The following CCDC171 variants were observed in gnomAD, a reference collection of about 807,000 sequenced individuals.
The protein encoded by CCDC171 is coiled-coil domain-containing protein 171.
In CCDC171, 177 loss-of-function variants were observed where a neutral mutation model predicts 168.2. That is an observed-to-expected ratio of 1.05 (90% CI 0.93 to 1.19). CCDC171 has a LOEUF of 1.19. Ranked by LOEUF, CCDC171 falls within the 50% of genes most tolerant of loss-of-function variation. CCDC171 has a pLI of 0.00. For synonymous variants in CCDC171, 687 were observed against 540.8 expected, an observed-to-expected ratio of 1.27 and a Z score of -3.75; for missense variants, 1,991 against 1,539.0, an observed-to-expected ratio of 1.29 and a Z score of -4.91.
intron 21 of CCDC171, among the ~76,000 whole-genome samples, chr9:15,791,526 T>A (rs184551549): frequency 3.9e-5 from 6 of 152,336 alleles, no homozygotes; most frequent in Non-Finnish European, 8.8e-5. Flanking sequence ...AGATATACAA[T>A]CATGTCATCT....
intron 18 of CCDC171, among the ~76,000 whole-genome samples, chr9:15,773,657 T>C (rs1359079130): frequency 6.6e-6 from 1 of 152,150 alleles, no homozygotes; most frequent in Non-Finnish European, 1.5e-5. Context: ...TTTCCTCTTA[T>C]TTCTGTATTA....
chr9:15,775,854 A>G (rs533078864), intron 18 of CCDC171, among the ~76,000 whole-genome samples: 247 of 152,324 alleles, frequency 1.6e-3, no homozygotes, highest in Non-Finnish European at 2.9e-4. Flanking sequence ...ACATGTAAAA[A>G]ATACCCATGT....
At chr9:15,946,757 C>G (rs998919981) in intron 25 of CCDC171, among the ~76,000 whole-genome samples, 2 of 152,016 alleles carry the variant, frequency 1.3e-5, no homozygotes, top group Non-Finnish European at 2.9e-5. Context: ...ATCACACTAC[C>G]TGACTTCAAA....
intron 24 of CCDC171, chr9:15,885,987 A>G (rs968392190): frequency 6.6e-6 from 1 of 152,200 alleles, no homozygotes; most frequent in African/African-American, 2.4e-5. Flanking sequence ...AGTTATTCCA[A>G]CAGAGATCCT....
chr9:15,699,633 A>G (rs1427479165), intron 11 of CCDC171, among the ~76,000 whole-genome samples: 1 of 152,022 alleles, frequency 6.6e-6, no homozygotes, highest in Non-Finnish European at 1.5e-5. Flanking sequence ...CCAAGGCCCC[A>G]CCAGAGTAGC....
At position 15,816,977 on chromosome 9, in the gene CCDC171, A is replaced by G. The variant is rs1216377303; in HGVS notation, c.3268-29725A>G. Among the ~76,000 whole-genome samples the G allele has an allele frequency of 1.7e-5, 2 of 118,194 alleles. 1 individual carries two copies. The highest frequency in any genetic ancestry group is 6.4e-5 in the African/African-American group (2 of 31,494). The allele number at this position is 118,194 out of a possible 152,430, so 77.5% of individuals were successfully genotyped here. Reference sequence around the variant, plus strand: ...TCTCAGGATAGAGCTCAAGAAGCAGACTGAGTCAAAAGATAAAAGAAGTTT... The same window carrying G: ...TCTCAGGATAGAGCTCAAGAAGCAGGCTGAGTCAAAAGATAAAAGAAGTTT... On this transcript the variant is annotated intron_variant, in intron 21 of 25. Transcript: ENST00000380701.
rs115362935 is a variant in CCDC171 at position 15,823,173 on chromosome 9, C to T, written c.3268-23529C>T. ...ACACAGGAAGGGGAAAATCACACAC[C>T]GGGTTTGTTGTGGGGTGGGAGGGAT... On this transcript the variant is annotated intron_variant, in intron 21 of 25. Transcript: ENST00000380701. 5.5e-3 allele frequency among the ~76,000 whole-genome samples: 834 copies of T among 151,656 alleles called. 6 individuals carry two copies. The highest frequency in any genetic ancestry group is 0.019 in the African/African-American group (795 of 41,410).
chr9:15,902,235 C>G (rs1821774863), intron 24 of CCDC171, among the ~76,000 whole-genome samples: 1 of 134,202 alleles, frequency 7.5e-6, no homozygotes, highest in African/African-American at 2.8e-5. Flanking sequence ...TGATACAAAG[C>G]TATAAAATTC....
In CCDC171 at chr9:15,779,045, A is replaced by G. The variant is rs529442248; in HGVS notation, c.2976A>G (p.Ser992=). ...ATGCTGCAGAAGTGGAGCGCCGCTCACTACGCTTAGAGGTCACAGAATTCA... is the reference window on the plus strand; with the variant it reads ...ATGCTGCAGAAGTGGAGCGCCGCTCGCTACGCTTAGAGGTCACAGAATTCA... The part of the protein sequence containing the change: ...RLHAAEVERR[S]LRLEVTEFKR... Residue 992 remains serine, a synonymous_variant, in exon 20 of 26, where the codon TCA becomes TCG. Transcript: ENST00000380701. The G allele has an allele frequency of 8.1e-6, 13 of 1,605,186 alleles. No homozygotes were observed. In the African/African-American group the frequency reaches 1.2e-4, roughly 15 times the overall value.
chr9:15,572,956 C>T (rs894210093), intron 3 of CCDC171, among the ~76,000 whole-genome samples: 3 of 152,108 alleles, frequency 2.0e-5, no homozygotes, highest in South Asian at 2.1e-4. Flanking sequence ...GTCAGGAGTT[C>T]GAGATCAGCC....
rs531678163 is a variant in CCDC171 at position 15,781,668 on chromosome 9, C to G, written c.3081+2518C>G. Among the ~76,000 whole-genome samples, 18 of 152,250 alleles carry G rather than the reference C, an allele frequency of 1.2e-4. No homozygotes were observed. In the South Asian group the frequency reaches 3.5e-3, roughly 30 times the overall value. On this transcript the variant is annotated intron_variant, in intron 20 of 25. Transcript: ENST00000380701. Reference sequence around the variant, plus strand: ...CCTCAGGTTATCTGCCTACCTCAGCCTGCCAAAATGCTGGGATTACAGATG... The same window carrying G: ...CCTCAGGTTATCTGCCTACCTCAGCGTGCCAAAATGCTGGGATTACAGATG...
At chr9:15,986,558 A>G (rs1287155453) in intron 3 of CCDC171, among the ~76,000 whole-genome samples, 1 of 152,210 alleles carries the variant, frequency 6.6e-6, no homozygotes, top group Non-Finnish European at 1.5e-5. Context: ...CAAGAACTGT[A>G]ATGGGAAAGA....
intron 21 of CCDC171, among the ~76,000 whole-genome samples, chr9:15,792,606 C>G (rs191273860): frequency 1.3e-5 from 2 of 152,158 alleles, no homozygotes; most frequent in South Asian, 2.1e-4. Context: ...GGAAGCCCAT[C>G]AGACTAACAG....
intron 7 of CCDC171, among the ~76,000 whole-genome samples, chr9:15,639,891 A>T (rs1160562322): frequency 6.6e-6 from 1 of 152,200 alleles, no homozygotes; most frequent in Non-Finnish European, 1.5e-5. Flanking sequence ...AGTAAGTAGA[A>T]GGAATATCCT....
chr9:16,075,903 G>A, the CCDC171 span, among the ~76,000 whole-genome samples: 1 of 151,290 alleles, frequency 6.6e-6, no homozygotes. Context: ...CATAGCATAG[G>A]TTGAAGTAGA....
the CCDC171 span, among the ~76,000 whole-genome samples, chr9:16,070,832 T>C: frequency 2.0e-5 from 3 of 152,204 alleles, 1 homozygote; most frequent in South Asian, 6.2e-4. Flanking sequence ...CATTCCGTTT[T>C]TATGTGGAAG....
At position 15,914,592 on chromosome 9, in the gene CCDC171, G is replaced by A. The variant is rs116822116; in HGVS notation, c.3601-5678G>A. On this transcript the variant is annotated intron_variant, in intron 24 of 25. Coordinates refer to ENST00000380701, the MANE Select transcript of CCDC171 (RefSeq NM_173550.4). ...TCTTAGCTTGCTGGGTTCCATGGGG[G>A]CGGTCTCTTCTGAGCAAGACCACTT... Among the ~76,000 whole-genome samples the A allele has an allele frequency of 3.6e-3, 547 of 152,248 alleles. 4 individuals are homozygous for A. Among genetic ancestry groups the A allele is most frequent in the African/African-American group, 0.013 (534 of 41,566 alleles).
At chr9:15,670,460 T>G (rs927218566) in intron 9 of CCDC171, among the ~76,000 whole-genome samples, 3 of 152,216 alleles carry the variant, frequency 2.0e-5, no homozygotes, top group Non-Finnish European at 4.4e-5. Flanking sequence ...TATCAGTTTC[T>G]ACTCCTTTGA....
intron 21 of CCDC171, among the ~76,000 whole-genome samples, chr9:15,829,281 T>C (rs897695677): frequency 2.0e-5 from 3 of 152,208 alleles, no homozygotes; most frequent in South Asian, 4.1e-4. Context: ...GTAGTAGATA[T>C]AGGTTTTTAC....
Sources: allele counts gnomAD v4.1 joint callset (sites outside exome capture counted in the v4.1 genomes callset), GRCh38; gene constraint gnomAD v4.1.1; transcripts MANE v1.5; gene names NCBI Gene and HGNC (gene_info 2026-07-23, HGNC 2026-07-21).